The following PSIP1 variants were observed in gnomAD, a reference collection of about 807,000 sequenced individuals.
PSIP1 encodes PC4 and SRSF1 interacting protein 1.
A neutral mutation model predicts 74.7 loss-of-function variants in PSIP1; 19 were observed. The ratio of observed to expected loss-of-function variants is 0.25; its 90% CI spans 0.18 to 0.37. The LOEUF is 0.37. Ranked by LOEUF, PSIP1 falls within the 10% of genes least tolerant of loss-of-function variation. The probability of loss-of-function intolerance (pLI) is 1.00; values close to 1 mark genes in which losing one functional copy is unlikely to be tolerated. For missense variants in PSIP1, 601 were observed against 614.3 expected (o/e 0.98, Z 0.23); for synonymous variants, 222 against 195.3 (o/e 1.14, Z -1.14).
intron 2 of PSIP1, among the ~76,000 whole-genome samples, chr9:15,509,277 T>C (rs534185963): frequency 5.4e-4 from 82 of 152,384 alleles, no homozygotes; most frequent in African/African-American, 1.7e-3. Context: ...ATCTAATTGA[T>C]TGCAACATAT....
In PSIP1 at chr9:15,474,145, T is replaced by C. The variant is rs1406803953; in HGVS notation, c.722A>G (p.Glu241Gly). 1 of 1,613,678 alleles carries C rather than the reference T, an allele frequency of 6.2e-7. No individual in the cohort carries two copies. Among genetic ancestry groups the C allele is most frequent in the East Asian group, 2.2e-5 (1 of 44,818 alleles). Residue 241 changes from glutamate to glycine, a missense_variant, in exon 9 of 16, where the codon GAA becomes GGA. Glu to Gly is a moderately conservative substitution (Grantham distance 98, BLOSUM62 -2). Coordinates refer to ENST00000380733, the MANE Select transcript of PSIP1 (RefSeq NM_033222.5). ...ATCCGGCTCTTTTCTTGGCTTATCT[T>C]CTTCCTTCTGGCCCTCTTCATCCTT... ...PKKDEEGQKE[E>G]DKPRKEPDKK...
At chr9:15,484,898 G>A (rs1210082393) in intron 6 of PSIP1, among the ~76,000 whole-genome samples, 4 of 131,210 alleles carry the variant, frequency 3.0e-5, no homozygotes. Context: ...GGATGACAGA[G>A]CGAGATCCGT....
intron 8 of PSIP1, among the ~76,000 whole-genome samples, chr9:15,475,556 ATGACAATG>A (rs1331266334): frequency 6.6e-6 from 1 of 152,216 alleles, no homozygotes; most frequent in Non-Finnish European, 1.5e-5. Context: ...AAAAGAATAG[ATGACAATG>A]TTTTTAAAAT....
At chr9:15,490,682 C>CAAAAAA (rs869054621) in intron 3 of PSIP1, among the ~76,000 whole-genome samples, 1 of 57,312 alleles carries the variant, frequency 1.7e-5, no homozygotes, top group Non-Finnish European at 3.5e-5. Context: ...GACTCTGTCT[C>CAAAAAA]AAAAAAAAAA....
intron 15 of PSIP1, chr9:15,465,871 T>C (rs2035589164): frequency 9.7e-6 from 3 of 308,804 alleles, no homozygotes; most frequent in Non-Finnish European, 1.8e-5. Context: ...AAAAGTGAAT[T>C]CTCTTTAAAG....
intron 6 of PSIP1, among the ~76,000 whole-genome samples, chr9:15,480,932 A>G (rs2036309440): frequency 6.6e-6 from 1 of 152,186 alleles, no homozygotes; most frequent in Non-Finnish European, 1.5e-5. Context: ...AAAACAAAAC[A>G]AAACAAAAAA....
chr9:15,505,522 C>T (rs938420721), intron 3 of PSIP1: 1 of 152,072 alleles, frequency 6.6e-6, no homozygotes, highest in Non-Finnish European at 1.5e-5. Flanking sequence ...TTTTTAAAAA[C>T]TTATTATGAA....
chr9:15,472,005 T>C (rs1027519407), intron 10 of PSIP1: 6 of 973,880 alleles, frequency 6.2e-6, no homozygotes, highest in South Asian at 4.8e-5. Flanking sequence ...TGTTCATTAT[T>C]ATCATTGCTA....
At chr9:15,471,139 G>C (rs768830319) in intron 10 of PSIP1, 1 of 1,604,452 alleles carries the variant, frequency 6.2e-7, no homozygotes. Flanking sequence ...TCTCTTGTTT[G>C]CTCCACTTGT....
At chr9:15,485,287 T>C (rs1331947497) in intron 6 of PSIP1, among the ~76,000 whole-genome samples, 3 of 152,132 alleles carry the variant, frequency 2.0e-5, no homozygotes, top group African/African-American at 7.2e-5. Flanking sequence ...AATGGCTTCA[T>C]GTGTCCTTCC....
At chr9:15,510,652 C>G (rs2037827129) in intron 1 of PSIP1, among the ~76,000 whole-genome samples, 165 bp downstream of exon 1, 1 of 152,118 alleles carries the variant, frequency 6.6e-6, no homozygotes, top group African/African-American at 2.4e-5. Flanking sequence ...TTCCGAGAAG[C>G]GAGCGGCCCC....
chr9:15,482,018 ATTTC>A (rs2036357209), intron 6 of PSIP1, among the ~76,000 whole-genome samples: 1 of 152,118 alleles, frequency 6.6e-6, no homozygotes, highest in Admixed American at 6.5e-5. Context: ...CTACAGATTT[ATTTC>A]TTCCATATTT....
intron 7 of PSIP1, 37 bp from the exon 8 acceptor site, chr9:15,478,589 G>C: frequency 7.5e-7 from 1 of 1,324,964 alleles, no homozygotes; most frequent in Non-Finnish European, 1.1e-6. Context: ...GTAACTACTA[G>C]TTTCTATTTA....
chr9:15,468,742 G>T lies in PSIP1; in HGVS notation c.1308C>A (p.Ile436=). The change falls in exon 14 of 16, where the codon ATC becomes ATA. Residue 436 remains isoleucine, a synonymous_variant. Coordinates refer to ENST00000380733, the MANE Select transcript of PSIP1 (RefSeq NM_033222.5). Reference sequence around the variant, plus strand: ...CAAGAGATTTATTCAGCACTTGGGTGATCACGGAATCTCCTTCACCAACCA... The same window carrying T: ...CAAGAGATTTATTCAGCACTTGGGTTATCACGGAATCTCCTTCACCAACCA... ...MFLVGEGDSV[I]TQVLNKSLAE... 1 of 1,614,028 alleles carries T rather than the reference G, an allele frequency of 6.2e-7. No homozygotes were observed.
chr9:15,493,279 G>C (rs542608395), intron 3 of PSIP1, among the ~76,000 whole-genome samples: 2 of 152,192 alleles, frequency 1.3e-5, no homozygotes, highest in African/African-American at 2.4e-5. Context: ...TGCTAGAGCA[G>C]AGCAAGAGTG....
rs553209519 is a variant in PSIP1 at position 15,507,201 on chromosome 9, T to A, written c.73-564A>T. On this transcript the variant is annotated intron_variant, in intron 2 of 15. Transcript: ENST00000380733. ...TGCCTGAATCACATGAGGCTACCTG[T>A]TCCTTTTTCACTGCTCTTTCAACCT... Among the ~76,000 whole-genome samples, 3 of 152,352 alleles carry A rather than the reference T, an allele frequency of 2.0e-5. No homozygotes were observed. The South Asian group carries it at 6.2e-4, about 32-fold the overall frequency.
At chr9:15,468,508 G>T in intron 14 of PSIP1, 122 bp downstream of exon 14, 1 of 1,059,396 alleles carries the variant, frequency 9.4e-7, no homozygotes, top group Non-Finnish European at 1.5e-6. Flanking sequence ...TCACCATTTT[G>T]CCTTTGTATA....
chr9:15,501,673 T>C (rs1586856935), intron 3 of PSIP1, among the ~76,000 whole-genome samples: 1 of 151,876 alleles, frequency 6.6e-6, no homozygotes, highest in Admixed American at 6.6e-5. Flanking sequence ...AATGTTAAAA[T>C]AGGGAGTCAC....
At chr9:15,465,609 G>C (rs1193287097) in intron 15 of PSIP1, 29 bp from the exon 16 acceptor site, 2 of 1,511,006 alleles carry the variant, frequency 1.3e-6, no homozygotes, top group East Asian at 2.3e-5. Flanking sequence ...GGTACAACTG[G>C]AATTAGGATT....
Sources: gnomAD v4.1 joint callset for allele counts (sites outside exome capture counted in the v4.1 genomes callset) on GRCh38, gnomAD v4.1.1 for gene constraint, MANE v1.5 for transcripts, NCBI Gene and HGNC (gene_info 2026-07-23, HGNC 2026-07-21) for gene names.